Variants in TEAD1 observed in about 807,000 individuals in gnomAD.
TEAD1 encodes transcriptional enhancer factor TEF-1.
In TEAD1, 9 loss-of-function variants were observed where a neutral mutation model predicts 54.9. That is an observed-to-expected ratio of 0.16 (90% CI 0.10 to 0.29). The LOEUF is 0.29. TEAD1 is among the 10% of genes least tolerant of loss of function. The pLI is 1.00. For synonymous variants in TEAD1, 200 were observed against 187.8 expected, an observed-to-expected ratio of 1.07 and a Z score of -0.53; for missense variants, 387 against 535.9, an observed-to-expected ratio of 0.72 and a Z score of 2.74.
chr11:12,873,776 G>A (rs538067705), intron 5 of TEAD1, among the ~76,000 whole-genome samples: 7 of 152,296 alleles, frequency 4.6e-5, no homozygotes, highest in Admixed American at 2.0e-4. Context: ...ATGTTTATCT[G>A]CTCAAGGGGT....
At position 12,675,169 on chromosome 11, in the gene TEAD1, C is replaced by A. The variant is rs561113565; in HGVS notation, c.-207-240C>A. On this transcript the variant is annotated intron_variant, in intron 1 of 12. Coordinates refer to ENST00000527636, the MANE Select transcript of TEAD1 (RefSeq NM_021961.6). Reference sequence around the variant, plus strand: ...CCTGCACGCGCACACACGCACACACCCTCGGGCGCCTTGGACGGGGTGCGC... The same window carrying A: ...CCTGCACGCGCACACACGCACACACACTCGGGCGCCTTGGACGGGGTGCGC... Among the ~76,000 whole-genome samples, 892 of 150,832 alleles carry A rather than the reference C, an allele frequency of 5.9e-3. 4 individuals carry two copies. Among genetic ancestry groups the A allele is most frequent in the Non-Finnish European group, 0.01 (709 of 67,592 alleles).
intron 2 of TEAD1, among the ~76,000 whole-genome samples, chr11:12,754,876 A>C (rs1944955351): frequency 6.6e-6 from 1 of 152,202 alleles, no homozygotes. Flanking sequence ...TCAATAATTT[A>C]GGATAGATGG....
chr11:12,864,913 C>G lies in TEAD1; in HGVS notation c.330+13C>G. On this transcript the variant is annotated intron_variant, in intron 5 of 12. Coordinates refer to ENST00000527636, the MANE Select transcript of TEAD1 (RefSeq NM_021961.6). ...TTCCAAGCTAAAGGTATGCGCTTTT[C>G]TGCTTTTTGGCTTGTGGTTGCTATG... 1.2e-6 allele frequency: 2 copies of G among 1,614,130 alleles called. No homozygotes were observed. The highest frequency in any genetic ancestry group is 1.7e-6 in the Non-Finnish European group (2 of 1,180,024).
intron 3 of TEAD1, among the ~76,000 whole-genome samples, chr11:12,804,674 T>C (rs1460522959): frequency 9.2e-5 from 14 of 152,204 alleles, no homozygotes; most frequent in Non-Finnish European, 2.1e-4. Flanking sequence ...GGAGGATGCA[T>C]ACCATGTTAG....
intron 2 of TEAD1, among the ~76,000 whole-genome samples, chr11:12,727,679 C>T (rs1031466838): frequency 3.9e-5 from 6 of 152,036 alleles, no homozygotes; most frequent in Admixed American, 2.0e-4. Flanking sequence ...AATAGAAGGT[C>T]GAAGTGTGGG....
At chr11:12,773,903 C>G (rs771555412) in intron 3 of TEAD1, among the ~76,000 whole-genome samples, 3 of 152,122 alleles carry the variant, frequency 2.0e-5, no homozygotes, top group Non-Finnish European at 4.4e-5. Flanking sequence ...GTGTCTTGTT[C>G]TAAGAGTTTA....
In TEAD1 at chr11:12,930,287, T is replaced by A; in HGVS notation, c.1128T>A (p.Tyr376Ter). ...AGCTCAAACACTTACCAGAGAAATA[T>A]ATGATGAACAGTGTTTTGGAAAACT... The change falls in exon 12 of 13, where the codon TAT becomes TAA. Residue 376 changes from tyrosine to a stop codon, truncating the protein, a stop_gained. Transcript: ENST00000527636. LOFTEE classifies it high-confidence loss of function. 1 of 1,614,214 alleles carries A rather than the reference T, an allele frequency of 6.2e-7. No homozygotes were observed. The highest frequency in any genetic ancestry group is 8.5e-7 in the Non-Finnish European group (1 of 1,180,038).
At chr11:12,850,831 G>GC (rs1947258244) in intron 3 of TEAD1, among the ~76,000 whole-genome samples, 1 of 152,140 alleles carries the variant, frequency 6.6e-6, no homozygotes, top group Non-Finnish European at 1.5e-5. Context: ...GTTAAGATTA[G>GC]CTTTTTTTGG....
At chr11:12,810,958 G>A (rs1046804348) in intron 3 of TEAD1, among the ~76,000 whole-genome samples, 10 of 152,244 alleles carry the variant, frequency 6.6e-5, no homozygotes, top group Admixed American at 6.5e-4. Flanking sequence ...AATGCTCCAC[G>A]GCTATAGAGG....
intron 3 of TEAD1, among the ~76,000 whole-genome samples, chr11:12,795,525 G>C (rs894581677): frequency 1.3e-5 from 2 of 152,174 alleles, no homozygotes; most frequent in African/African-American, 4.8e-5. Flanking sequence ...ACCAGGATTG[G>C]AACTCAGGCC....
At chr11:12,877,543 C>T (rs1010211239) in intron 5 of TEAD1, among the ~76,000 whole-genome samples, 8 of 152,070 alleles carry the variant, frequency 5.3e-5, no homozygotes, top group South Asian at 2.1e-4. Context: ...CCTGTAATCC[C>T]AGCTACTCAG....
Position 12,686,072 on chromosome 11 carries a change from C to T in TEAD1, c.-55+10511C>T, listed in dbSNP as rs1225336916. 2.6e-5 allele frequency among the ~76,000 whole-genome samples: 4 copies of T among 152,128 alleles called. No homozygotes were observed. The East Asian group carries it at 7.7e-4, about 29-fold the overall frequency. ...TCGACAGGGCTGCCCTTTATGGTTC[C>T]CCATGGCTGAGTACCTGTTTGCCTG... is the stretch of plus-strand genomic sequence containing the variant. On this transcript the variant is annotated intron_variant, in intron 2 of 12. Coordinates refer to ENST00000527636, the MANE Select transcript of TEAD1 (RefSeq NM_021961.6).
chr11:12,764,863 C>T (rs1179935247), intron 3 of TEAD1, among the ~76,000 whole-genome samples: 1 of 149,766 alleles, frequency 6.7e-6, no homozygotes, highest in Non-Finnish European at 1.5e-5. Flanking sequence ...CCCCCAGCCC[C>T]CTTGAGGAAG....
chr11:12,867,816 A>G (rs1947653820), intron 5 of TEAD1, among the ~76,000 whole-genome samples: 1 of 152,142 alleles, frequency 6.6e-6, no homozygotes, highest in Non-Finnish European at 1.5e-5. Context: ...CAACAAGGAT[A>G]GCTTCTGGGT....
chr11:12,925,510 A>G (rs1025709538), intron 11 of TEAD1, among the ~76,000 whole-genome samples: 10 of 152,206 alleles, frequency 6.6e-5, no homozygotes, highest in African/African-American at 2.2e-4. Context: ...TGGGGATACA[A>G]CCAAACCATA....
At chr11:12,704,624 G>A (rs1366758662) in intron 2 of TEAD1, among the ~76,000 whole-genome samples, 1 of 152,204 alleles carries the variant, frequency 6.6e-6, no homozygotes, top group African/African-American at 2.4e-5. Context: ...GCTCTGTGTT[G>A]GCATTAATCA....
rs1949149186 is a variant in TEAD1, at chr11:12,940,332, C to CAGT, written c.*3115_*3117dup. The CAGT allele has an allele frequency of 6.6e-6, 1 of 152,164 alleles. No homozygotes were observed. Among genetic ancestry groups the CAGT allele is most frequent in the African/African-American group, 2.4e-5 (1 of 41,428 alleles). The allele number at this position is 152,164 out of a possible 1,614,324, so 9.4% of individuals were successfully genotyped here. Reference sequence around the variant, plus strand: ...TTTACTAATATCCCTGGCCTCTACCCAGTAGTACCACTAGCACCTATTCCC... The same window carrying CAGT: ...TTTACTAATATCCCTGGCCTCTACCCAGTAGTAGTACCACTAGCACCTATTCCC... On this transcript the variant is annotated 3_prime_UTR_variant, in exon 13 of 13. Transcript: ENST00000527636.
chr11:12,882,161 G>C (rs554462758), intron 8 of TEAD1, among the ~76,000 whole-genome samples: 4 of 152,314 alleles, frequency 2.6e-5, no homozygotes, highest in African/African-American at 7.2e-5. Context: ...GAGCTTTTCA[G>C]ATGGTTTGTT....
chr11:12,810,107 A>G (rs1292984144), intron 3 of TEAD1, among the ~76,000 whole-genome samples: 1 of 150,292 alleles, frequency 6.7e-6, no homozygotes, highest in African/African-American at 2.5e-5. Flanking sequence ...CAGCCTTCCG[A>G]GTAGTTGGGA....
Sources: allele counts gnomAD v4.1 joint callset (sites outside exome capture counted in the v4.1 genomes callset), GRCh38; gene constraint gnomAD v4.1.1; transcripts MANE v1.5; gene names NCBI Gene and HGNC (gene_info 2026-07-23, HGNC 2026-07-21).